The following PCDH17 variants were observed in gnomAD, a reference collection of about 807,000 sequenced individuals.
The protein encoded by PCDH17 is protocadherin 17, also known as protocadherin-17.
PCDH17 carries 21 observed loss-of-function variants against 67.7 expected under a neutral mutation model. The observed-to-expected ratio is 0.31, with a 90% CI of 0.22 to 0.45. PCDH17 has a LOEUF of 0.45. Among genes scored for constraint, PCDH17 ranks in the 20% least tolerant of loss-of-function variants. The pLI, the probability that PCDH17 is intolerant of heterozygous loss-of-function variation, is 1.00. For missense variants in PCDH17, 1,471 were observed against 1,564.8 expected, an observed-to-expected ratio of 0.94 and a Z score of 1.01; for synonymous variants, 701 against 656.7, an observed-to-expected ratio of 1.07 and a Z score of -1.03.
In PCDH17 at chr13:57,725,314, C is replaced by G; in HGVS notation, c.*20C>G. On this transcript the variant is annotated 3_prime_UTR_variant, in exon 4 of 4. Transcript: ENST00000377918. ...AAGTGAAAAAAGAAAAAAAAAAAGG[C>G]ATTGGCATTTTCTTGTCTCTTCTGT... 1.4e-6 allele frequency: 2 copies of G among 1,406,582 alleles called. No individual in the cohort carries two copies. Among genetic ancestry groups the G allele is most frequent in the Non-Finnish European group, 2.0e-6 (2 of 1,015,118 alleles). 87.1% of individuals were successfully genotyped at this position (1,406,582 alleles called of 1,614,324 possible). A position where few individuals can be genotyped will look rare whatever the true frequency, so the allele number is the denominator to read the frequency against.
intron 3 of PCDH17, among the ~76,000 whole-genome samples, chr13:57,701,219 TCA>T (rs1299791535): frequency 6.6e-6 from 1 of 152,188 alleles, no homozygotes; most frequent in African/African-American, 2.4e-5. Flanking sequence ...GCATTATCTT[TCA>T]CAGTTTATCA....
At position 57,727,842 on chromosome 13, in the gene PCDH17, CA is replaced by C. The variant is rs1593957274; in HGVS notation, c.*2549del. Reference sequence around the variant, plus strand: ...GCTTCTCTCTTACTAGACAGATATCCACTTAGTAAAATCTAAAGCAGTATGT... The same window carrying C: ...GCTTCTCTCTTACTAGACAGATATCCCTTAGTAAAATCTAAAGCAGTATGT... On this transcript the variant is annotated 3_prime_UTR_variant, in exon 4 of 4. Transcript: ENST00000377918. The C allele has an allele frequency of 6.6e-6, 1 of 152,288 alleles. No homozygotes were observed. The highest frequency in any genetic ancestry group is 1.9e-4 in the East Asian group (1 of 5,192). 9.4% of individuals were successfully genotyped at this position (152,288 alleles called of 1,614,324 possible).
At chr13:57,649,751 G>T (rs1324595955) in intron 1 of PCDH17, among the ~76,000 whole-genome samples, 1 of 152,078 alleles carries the variant, frequency 6.6e-6, no homozygotes, top group African/African-American at 2.4e-5. Context: ...TGTGCTACTG[G>T]ATGCACCATT....
At chr13:57,697,845 A>C (rs1045993099) in intron 3 of PCDH17, among the ~76,000 whole-genome samples, 3 of 151,532 alleles carry the variant, frequency 2.0e-5, no homozygotes, top group Non-Finnish European at 4.4e-5. Flanking sequence ...CAAAACTCCT[A>C]GTTGGGGGGT....
chr13:57,721,298 G>T (rs746609111), intron 3 of PCDH17, among the ~76,000 whole-genome samples: 3 of 151,990 alleles, frequency 2.0e-5, no homozygotes, highest in Middle Eastern at 3.2e-3. Flanking sequence ...AGAACCTGAA[G>T]AAAAAAGTGA....
intron 1 of PCDH17, among the ~76,000 whole-genome samples, chr13:57,646,426 C>G (rs1954967806): frequency 6.6e-6 from 1 of 151,300 alleles, no homozygotes; most frequent in African/African-American, 2.4e-5. Context: ...TTTATTTGTG[C>G]AAATTTATGG....
chr13:57,706,528 A>AT (rs1955723316), intron 3 of PCDH17, among the ~76,000 whole-genome samples: 2 of 152,142 alleles, frequency 1.3e-5, no homozygotes, highest in African/African-American at 4.8e-5. Flanking sequence ...AACAAGAGAA[A>AT]TTTATTTTCT....
At chr13:57,699,666 T>A (rs73207464) in intron 3 of PCDH17, among the ~76,000 whole-genome samples, 9,614 of 152,054 alleles carry the variant, frequency 0.063, 339 homozygotes, top group Middle Eastern at 0.099. Flanking sequence ...AGCTTAATAT[T>A]TTATATGGAT....
intron 1 of PCDH17, among the ~76,000 whole-genome samples, chr13:57,655,269 T>C (rs1049087167): frequency 1.3e-5 from 2 of 152,012 alleles, no homozygotes; most frequent in Non-Finnish European, 2.9e-5. Flanking sequence ...TTTAATTTCA[T>C]TTGTCAAATG....
At chr13:57,708,034 A>G (rs949965452) in intron 3 of PCDH17, among the ~76,000 whole-genome samples, 2 of 152,034 alleles carry the variant, frequency 1.3e-5, no homozygotes, top group African/African-American at 2.4e-5. Context: ...TACACAGCCT[A>G]TAGCTGTTTT....
intron 3 of PCDH17, among the ~76,000 whole-genome samples, chr13:57,670,424 C>A (rs539195305): frequency 7.3e-5 from 11 of 151,502 alleles, no homozygotes; most frequent in African/African-American, 2.4e-4. Context: ...TTTTCTCTTA[C>A]GAGAAAAAAC....
chr13:57,641,927 C>A (rs1954910535), intron 1 of PCDH17, among the ~76,000 whole-genome samples: 1 of 151,390 alleles, frequency 6.6e-6, no homozygotes, highest in Admixed American at 6.6e-5. Context: ...TTAGATGTAA[C>A]TAATCTACAT....
chr13:57,715,775 C>T (rs748515526), intron 3 of PCDH17, among the ~76,000 whole-genome samples: 5 of 151,782 alleles, frequency 3.3e-5, no homozygotes, highest in Admixed American at 1.3e-4. Flanking sequence ...GTTCCAGACT[C>T]TCCATTTTCT....
At chr13:57,688,406 G>T (rs1004174673) in intron 3 of PCDH17, among the ~76,000 whole-genome samples, 3 of 151,884 alleles carry the variant, frequency 2.0e-5, no homozygotes, top group Non-Finnish European at 4.4e-5. Context: ...TTGACACATT[G>T]ACTAAATGAC....
chr13:57,667,870 T>C (rs1452102609), intron 3 of PCDH17, among the ~76,000 whole-genome samples: 1 of 121,134 alleles, frequency 8.3e-6, no homozygotes, highest in Non-Finnish European at 2.0e-5. Flanking sequence ...TACATATATG[T>C]TTATATATAC....
At chr13:57,666,415 A>C in intron 1 of PCDH17, 53 bp from the exon 2 acceptor site, 1 of 1,321,672 alleles carries the variant, frequency 7.6e-7, no homozygotes. Context: ...GTTGCTCTGC[A>C]GGAGATTTGT....
intron 1 of PCDH17, among the ~76,000 whole-genome samples, chr13:57,665,511 T>C (rs1297174057): frequency 6.6e-6 from 1 of 152,156 alleles, no homozygotes; most frequent in Non-Finnish European, 1.5e-5. Context: ...ACTTGTGTGC[T>C]GGATAATCTT....
chr13:57,665,613 A>T (rs761482263), intron 1 of PCDH17, among the ~76,000 whole-genome samples: 42 of 152,148 alleles, frequency 2.8e-4, no homozygotes, highest in Non-Finnish European at 4.9e-4. Context: ...AGCTGCAAGA[A>T]GAAGTAATGT....
chr13:57,642,381 T>TA (rs550689522), intron 1 of PCDH17, among the ~76,000 whole-genome samples: 1 of 151,616 alleles, frequency 6.6e-6, no homozygotes, highest in Admixed American at 6.6e-5. Flanking sequence ...TATACTCTTA[T>TA]AAAAAACATT....
Sources: gnomAD v4.1 joint callset for allele counts (sites outside exome capture counted in the v4.1 genomes callset) on GRCh38, gnomAD v4.1.1 for gene constraint, MANE v1.5 for transcripts, NCBI Gene and HGNC (gene_info 2026-07-23, HGNC 2026-07-21) for gene names.